TMEM232: variants seen among roughly 807,000 people sequenced by gnomAD.
TMEM232 encodes transmembrane protein 232.
A neutral mutation model predicts 78.8 loss-of-function variants in TMEM232; 80 were observed. That is an observed-to-expected ratio of 1.01 (90% CI 0.85 to 1.22). The LOEUF is 1.22. Ranked by LOEUF, TMEM232 falls within the 50% of genes most tolerant of loss-of-function variation. The pLI, the probability that TMEM232 is intolerant of heterozygous loss-of-function variation, is 0.00. For missense variants in TMEM232, 881 were observed against 742.2 expected, an observed-to-expected ratio of 1.19 and a Z score of -2.17; for synonymous variants, 297 against 254.3, an observed-to-expected ratio of 1.17 and a Z score of -1.60.
intron 1 of TMEM232, among the ~76,000 whole-genome samples, chr5:110,719,985 C>G (rs758085989): frequency 6.6e-6 from 1 of 152,132 alleles, no homozygotes; most frequent in Non-Finnish European, 1.5e-5. Flanking sequence ...GTCCCTTGTT[C>G]TGGTTCTCGC....
chr5:110,738,004 A>G (rs567493605), exon 1 of TMEM232: 1 of 226,928 alleles, frequency 4.4e-6, no homozygotes, highest in East Asian at 1.2e-4. Context: ...ATACACCCAT[A>G]AAAAATAAAA....
At chr5:110,397,636 A>G (rs1755438771) in intron 3 of TMEM232, 1 of 152,596 alleles carries the variant, frequency 6.6e-6, no homozygotes, top group Non-Finnish European at 1.5e-5. Context: ...AATTCATCAA[A>G]GCCAATTTAT....
chr5:110,646,339 A>G (rs1787472159), intron 2 of TMEM232, among the ~76,000 whole-genome samples: 1 of 151,862 alleles, frequency 6.6e-6, no homozygotes, highest in African/African-American at 2.4e-5. Context: ...ACAAAGCCAC[A>G]GTAATTAAAC....
At chr5:110,391,108 T>C (rs1473295819) in intron 3 of TMEM232, among the ~76,000 whole-genome samples, 3 of 152,198 alleles carry the variant, frequency 2.0e-5, no homozygotes, top group Non-Finnish European at 4.4e-5. Flanking sequence ...TTTATTTTAT[T>C]CCCTCTGTTT....
downstream of TMEM232, among the ~76,000 whole-genome samples, chr5:110,415,612 T>C (rs965290956): frequency 5.9e-5 from 9 of 152,028 alleles, no homozygotes; most frequent in Admixed American, 5.2e-4. Flanking sequence ...GGAGAATGTA[T>C]GCTATGGAAG....
At chr5:110,440,225 A>G (rs1758880176) in intron 12 of TMEM232, among the ~76,000 whole-genome samples, 1 of 152,160 alleles carries the variant, frequency 6.6e-6, no homozygotes, top group Non-Finnish European at 1.5e-5. Flanking sequence ...GTGGAGAACA[A>G]GTGTAACTTC....
At chr5:110,448,073 AAAAT>A (rs1351995239) in intron 12 of TMEM232, among the ~76,000 whole-genome samples, 1 of 152,062 alleles carries the variant, frequency 6.6e-6, no homozygotes, top group Non-Finnish European at 1.5e-5. Context: ...TACTAAAGAA[AAAAT>A]AAACTATAAG....
At chr5:110,609,109 T>C (rs1781860304) in intron 8 of TMEM232, among the ~76,000 whole-genome samples, 1 of 152,064 alleles carries the variant, frequency 6.6e-6, no homozygotes, top group Non-Finnish European at 1.5e-5. Context: ...ATCCATTTCC[T>C]CAATTAGTGG....
chr5:110,446,213 G>A (rs982478647), intron 12 of TMEM232, among the ~76,000 whole-genome samples: 2 of 152,132 alleles, frequency 1.3e-5, no homozygotes, highest in African/African-American at 4.8e-5. Flanking sequence ...AGGAGTGAAT[G>A]TGGAAGTGAC....
intron 1 of TMEM232, among the ~76,000 whole-genome samples, chr5:110,737,522 C>G (rs1237924093): frequency 6.6e-6 from 1 of 152,186 alleles, no homozygotes; most frequent in Non-Finnish European, 1.5e-5. Context: ...AAGCTACTTT[C>G]TTCTCACCTG....
chr5:110,418,547 CTCTATATA>C (rs1756359374), downstream of TMEM232, among the ~76,000 whole-genome samples: 1 of 152,052 alleles, frequency 6.6e-6, no homozygotes, highest in Non-Finnish European at 1.5e-5. Context: ...TTCTTCCTTT[CTCTATATA>C]TCTATATATA....
chr5:110,458,863 C>T (rs903287897), intron 12 of TMEM232, among the ~76,000 whole-genome samples: 44 of 152,106 alleles, frequency 2.9e-4, no homozygotes, highest in African/African-American at 9.9e-4. Context: ...ATAAAATACT[C>T]CACATAAATA....
intron 3 of TMEM232, among the ~76,000 whole-genome samples, chr5:110,391,322 T>TGAGAGAGAGAGAGA (rs1483505581): frequency 1.3e-4 from 18 of 138,212 alleles, no homozygotes; most frequent in African/African-American, 5.3e-4. Context: ...TGTGTGTGTG[T>TGAGAGAGAGAGAGA]GTGTGAGAGA....
chr5:110,478,222 T>C (rs957703365), intron 12 of TMEM232, among the ~76,000 whole-genome samples: 1 of 151,998 alleles, frequency 6.6e-6, no homozygotes, highest in Admixed American at 6.6e-5. Flanking sequence ...TTATATACTA[T>C]GTAAATCAAT....
intron 2 of TMEM232, among the ~76,000 whole-genome samples, chr5:110,665,073 C>T (rs750642452): frequency 1.3e-5 from 2 of 152,142 alleles, no homozygotes; most frequent in Non-Finnish European, 2.9e-5. Flanking sequence ...CAGGGACACT[C>T]ACATTCAGCC....
chr5:110,563,816 G>A (rs1332476367), intron 11 of TMEM232, among the ~76,000 whole-genome samples: 1 of 151,896 alleles, frequency 6.6e-6, no homozygotes, highest in Non-Finnish European at 1.5e-5. Context: ...CTGAAGCACA[G>A]TTGCATAAAA....
intron 13 of TMEM232, among the ~76,000 whole-genome samples, chr5:110,422,909 T>A (rs981430014): frequency 1.3e-5 from 2 of 152,196 alleles, no homozygotes; most frequent in Non-Finnish European, 1.5e-5. Context: ...AAAATAGATA[T>A]GTTTGAAATC....
chr5:110,647,438 C>G (rs150929900), intron 2 of TMEM232, among the ~76,000 whole-genome samples: 2 of 151,904 alleles, frequency 1.3e-5, no homozygotes, highest in Non-Finnish European at 2.9e-5. Flanking sequence ...GTTATACCTA[C>G]GCAATGTCCA....
intron 10 of TMEM232, among the ~76,000 whole-genome samples, chr5:110,578,778 G>A (rs1231271702): frequency 1.3e-5 from 2 of 151,770 alleles, no homozygotes; most frequent in Non-Finnish European, 2.9e-5. Context: ...ACATCAATTC[G>A]ATAGGAACAA....
Sources: gnomAD v4.1 joint callset for allele counts (sites outside exome capture counted in the v4.1 genomes callset) on GRCh38, gnomAD v4.1.1 for gene constraint, MANE v1.5 for transcripts, NCBI Gene and HGNC (gene_info 2026-07-23, HGNC 2026-07-21) for gene names.